Variants in GRM5 observed in about 807,000 individuals in gnomAD.
GRM5 encodes metabotropic glutamate receptor 5.
GRM5 carries 19 observed loss-of-function variants against 83.1 expected under a neutral mutation model. That is an observed-to-expected ratio of 0.23 (90% CI 0.16 to 0.34). The LOEUF (loss-of-function observed/expected upper bound fraction) is 0.34. GRM5 is among the 10% of genes least tolerant of loss of function. GRM5 has a pLI of 1.00. For missense variants in GRM5, 1,160 were observed against 1,588.3 expected (o/e 0.73, Z 4.58); for synonymous variants, 675 against 633.6 (o/e 1.07, Z -0.98).
chr11:88,676,531 C>G (rs973850513), intron 3 of GRM5, among the ~76,000 whole-genome samples: 1 of 151,748 alleles, frequency 6.6e-6, no homozygotes, highest in African/African-American at 2.4e-5. Context: ...TAATGAATGA[C>G]AATTTAAACA....
intron 3 of GRM5, among the ~76,000 whole-genome samples, chr11:88,830,815 A>G (rs1464393098): frequency 6.6e-6 from 1 of 152,136 alleles, no homozygotes; most frequent in Non-Finnish European, 1.5e-5. Context: ...GTTTAATTGG[A>G]TTTTGCAGTT....
chr11:88,656,132 A>ATATTCTTGTACTAC (rs11271068), intron 3 of GRM5, among the ~76,000 whole-genome samples: 152,170 of 152,218 alleles, frequency 1, 76,061 homozygotes, highest in Middle Eastern at 1. Context: ...TGGACCTTCA[A>ATATTCTTGTACTAC]TTTAATTTTT....
intron 3 of GRM5, among the ~76,000 whole-genome samples, chr11:88,734,296 T>C (rs1244811477): frequency 6.6e-6 from 1 of 152,008 alleles, no homozygotes; most frequent in Non-Finnish European, 1.5e-5. Context: ...TAAGATATCA[T>C]CTCACACCTG....
chr11:88,529,224 G>A (rs1275960837), intron 8 of GRM5, among the ~76,000 whole-genome samples: 2 of 151,796 alleles, frequency 1.3e-5, no homozygotes, highest in Admixed American at 6.6e-5. Flanking sequence ...GAGCATATGG[G>A]TGATTATGTC....
intron 2 of GRM5, among the ~76,000 whole-genome samples, chr11:88,917,074 C>A (rs1163117149): frequency 6.6e-6 from 1 of 152,182 alleles, no homozygotes; most frequent in African/African-American, 2.4e-5. Flanking sequence ...CAAGAAGAGT[C>A]CCAGCAATGG....
At chr11:88,870,632 C>A (rs1485690064) in intron 2 of GRM5, among the ~76,000 whole-genome samples, 2 of 151,522 alleles carry the variant, frequency 1.3e-5, no homozygotes, top group African/African-American at 4.8e-5. Flanking sequence ...GATAGGATAG[C>A]CAGGCAGTAG....
chr11:88,736,470 G>A (rs1941916580), intron 3 of GRM5, among the ~76,000 whole-genome samples: 1 of 152,004 alleles, frequency 6.6e-6, no homozygotes. Flanking sequence ...AAACAGGGCA[G>A]GTTGATGCCA....
intron 2 of GRM5, among the ~76,000 whole-genome samples, chr11:88,907,404 G>A (rs1235015919): frequency 6.6e-6 from 1 of 152,152 alleles, no homozygotes; most frequent in Non-Finnish European, 1.5e-5. Flanking sequence ...CAAGGACATA[G>A]AAACTGAGAG....
At chr11:89,035,462 T>C (rs1014422129) in intron 2 of GRM5, among the ~76,000 whole-genome samples, 3 of 151,850 alleles carry the variant, frequency 2.0e-5, no homozygotes, top group East Asian at 1.9e-4. Flanking sequence ...GTCAAATATA[T>C]GACAGTTGAA....
intron 3 of GRM5, among the ~76,000 whole-genome samples, chr11:88,676,860 T>C (rs888810079): frequency 6.6e-6 from 1 of 152,102 alleles, no homozygotes; most frequent in Admixed American, 6.6e-5. Flanking sequence ...TTGCATTTAA[T>C]GCTTGTGCTC....
intron 3 of GRM5, among the ~76,000 whole-genome samples, chr11:88,759,914 T>C (rs1942476197): frequency 6.6e-6 from 1 of 152,060 alleles, no homozygotes; most frequent in Admixed American, 6.6e-5. Context: ...AAATCAAGAC[T>C]AAGAAATGCA....
chr11:88,788,857 G>T (rs1248909299), intron 3 of GRM5, among the ~76,000 whole-genome samples: 1 of 152,072 alleles, frequency 6.6e-6, no homozygotes, highest in African/African-American at 2.4e-5. Flanking sequence ...ACTTTTCATA[G>T]GCAAGAAAAC....
chr11:88,907,535 G>C (rs1204446422), intron 2 of GRM5, among the ~76,000 whole-genome samples: 1 of 152,154 alleles, frequency 6.6e-6, no homozygotes, highest in African/African-American at 2.4e-5. Context: ...CTAAATATTT[G>C]TATGACTTTA....
At chr11:88,994,336 C>G (rs1361986825) in intron 2 of GRM5, among the ~76,000 whole-genome samples, 2 of 151,576 alleles carry the variant, frequency 1.3e-5, no homozygotes, top group Non-Finnish European at 2.9e-5. Context: ...AATGCAATCC[C>G]TATCAAAATT....
chr11:88,836,636 T>A (rs937331001), intron 3 of GRM5, among the ~76,000 whole-genome samples: 8 of 151,712 alleles, frequency 5.3e-5, no homozygotes, highest in Non-Finnish European at 1.2e-4. Context: ...TAATAAAAAA[T>A]ATACAAAAAT....
rs546943818 is a variant in GRM5, at chr11:88,625,752, T to C, written c.1148-20788A>G. Among the ~76,000 whole-genome samples, 10 of 152,196 alleles carry C rather than the reference T, an allele frequency of 6.6e-5. No individual in the cohort carries two copies. In the South Asian group the frequency reaches 2.1e-3, roughly 32 times the overall value. ...GTAATAAACCTTTGTAACAAATGTG[T>C]GCATATAGCCCCAATTCTAAAATAA... On this transcript the variant is annotated intron_variant, in intron 4 of 9. Transcript: ENST00000305447.
At chr11:88,984,148 A>C (rs1469188514) in intron 2 of GRM5, among the ~76,000 whole-genome samples, 18 of 152,160 alleles carry the variant, frequency 1.2e-4, no homozygotes, top group Admixed American at 1.2e-3. Flanking sequence ...TGTGTTTATA[A>C]AGTCCACAGT....
chr11:88,733,043 AC>A (rs1941839525), intron 3 of GRM5, among the ~76,000 whole-genome samples: 1 of 152,086 alleles, frequency 6.6e-6, no homozygotes, highest in African/African-American at 2.4e-5. Context: ...CATAGACATG[AC>A]CCAATAAATC....
intron 2 of GRM5, among the ~76,000 whole-genome samples, chr11:88,970,894 C>T (rs141768803): frequency 0.049 from 7,511 of 152,100 alleles, 611 homozygotes; most frequent in African/African-American, 0.17. Context: ...TCTAAATGTC[C>T]TTTTCTTCAC....
Sources: allele counts gnomAD v4.1 joint callset (sites outside exome capture counted in the v4.1 genomes callset), GRCh38; gene constraint gnomAD v4.1.1; transcripts MANE v1.5; gene names NCBI Gene and HGNC (gene_info 2026-07-23, HGNC 2026-07-21).